Variants in SCAPER observed in about 807,000 individuals in gnomAD.
SCAPER encodes S phase cyclin A-associated protein in the endoplasmic reticulum.
A neutral mutation model predicts 182.2 loss-of-function variants in SCAPER; 98 were observed. The ratio of observed to expected loss-of-function variants is 0.54; its 90% confidence interval spans 0.46 to 0.64. The LOEUF (loss-of-function observed/expected upper bound fraction) is 0.64, where lower values mean the gene tolerates loss of function less well. Among genes scored for constraint, SCAPER ranks in the 30% least tolerant of loss-of-function variants. SCAPER has a pLI of 0.00. For synonymous variants in SCAPER, 605 were observed against 564.6 expected, an observed-to-expected ratio of 1.07 and a Z score of -1.01; for missense variants, 1,432 against 1,690.0, an observed-to-expected ratio of 0.85 and a Z score of 2.68.
chr15:76,781,447 C>T (rs1458580698), intron 8 of SCAPER, among the ~76,000 whole-genome samples: 1 of 152,126 alleles, frequency 6.6e-6, no homozygotes, highest in Non-Finnish European at 1.5e-5. Flanking sequence ...AGAATGGAAC[C>T]AAGTTGGAAA....
At chr15:76,693,788 T>C (rs899470046) in intron 20 of SCAPER, among the ~76,000 whole-genome samples, 2 of 152,082 alleles carry the variant, frequency 1.3e-5, no homozygotes, top group South Asian at 2.1e-4. Flanking sequence ...ATGGGGTTCA[T>C]AGAGACAGAA....
chr15:76,599,210 A>T lies in SCAPER; in HGVS notation c.2711+22554T>A, dbSNP rs1465420296. 2.5e-5 allele frequency among the ~76,000 whole-genome samples: 3 copies of T among 121,638 alleles called. 1 individual carries two copies. Among genetic ancestry groups the T allele is most frequent in the Admixed American group, 1.9e-4 (2 of 10,690 alleles). 79.8% of individuals were successfully genotyped at this position (121,638 alleles called of 152,430 possible). The stretch of plus-strand genomic sequence containing the variant: ...ATCATGGAAACTCTAAATAAAATTT[A>T]AAAATGCCACTACATACCCATCTGA... On this transcript the variant is annotated intron_variant, in intron 22 of 31. Coordinates refer to ENST00000563290, the MANE Select transcript of SCAPER (RefSeq NM_020843.4).
chr15:76,844,174 A>G (rs2069783252), intron 4 of SCAPER, among the ~76,000 whole-genome samples: 1 of 152,020 alleles, frequency 6.6e-6, no homozygotes, highest in Non-Finnish European at 1.5e-5. Flanking sequence ...ATAGATGACA[A>G]AACAATCTAA....
In SCAPER at chr15:76,771,746, G is replaced by A. The variant is rs2063481895; in HGVS notation, c.1244C>T (p.Ser415Leu). 2 of 1,611,820 alleles carry A rather than the reference G, an allele frequency of 1.2e-6. No homozygotes were observed. Among genetic ancestry groups the A allele is most frequent in the Non-Finnish European group, 1.7e-6 (2 of 1,178,622 alleles). The change falls in exon 10 of 32, where the codon TCA becomes TTA. Residue 415 changes from serine (S) to leucine (L), a missense_variant. Ser to Leu is a moderately radical substitution (Grantham distance 145, BLOSUM62 -2). Around this residue, in one of 5 missense-constraint regions of SCAPER, gnomAD observed 480 missense variants for 510.2 expected, o/e 0.94. Transcript: ENST00000563290. ...IENEMDPSDISNSMAEVLAKK... is the reference protein window; with the variant it reads ...IENEMDPSDILNSMAEVLAKK... ...TACCAAGTTAGCAGCACTCACATTT[G>A]AAATATCTGAAGGGTCCATTTCATT...
intron 27 of SCAPER, among the ~76,000 whole-genome samples, chr15:76,394,794 C>T (rs114386236): frequency 0.016 from 2,360 of 152,228 alleles, 62 homozygotes; most frequent in African/African-American, 0.055. Context: ...AATCACATCA[C>T]GGAAAATGGG....
intron 20 of SCAPER, among the ~76,000 whole-genome samples, chr15:76,688,696 C>T (rs1383109072): frequency 6.6e-6 from 1 of 152,078 alleles, no homozygotes; most frequent in Non-Finnish European, 1.5e-5. Context: ...GGAATCCTCT[C>T]CCCATTGCTT....
At chr15:76,400,619 G>T (rs1174833626) in intron 27 of SCAPER, among the ~76,000 whole-genome samples, 2 of 152,018 alleles carry the variant, frequency 1.3e-5, no homozygotes, top group Non-Finnish European at 2.9e-5. Flanking sequence ...AACAATAAGG[G>T]GTCATTTTTC....
chr15:76,499,375 A>T (rs2040888683), intron 24 of SCAPER, among the ~76,000 whole-genome samples: 1 of 152,196 alleles, frequency 6.6e-6, no homozygotes, highest in African/African-American at 2.4e-5. Flanking sequence ...TATACCTGAC[A>T]GCTCTACATG....
chr15:76,766,445 C>A (rs989101876), intron 11 of SCAPER, among the ~76,000 whole-genome samples: 2 of 152,140 alleles, frequency 1.3e-5, no homozygotes, highest in East Asian at 3.8e-4. Context: ...TTCATCTTCA[C>A]TTTCTATAAA....
chr15:76,513,095 G>A (rs75601736), intron 23 of SCAPER, among the ~76,000 whole-genome samples: 133 of 152,114 alleles, frequency 8.7e-4, no homozygotes, highest in African/African-American at 3.0e-3. Context: ...CACCTCTGCC[G>A]TACCTCATGG....
At chr15:76,539,281 T>C (rs1478962702) in intron 23 of SCAPER, among the ~76,000 whole-genome samples, 1 of 152,170 alleles carries the variant, frequency 6.6e-6, no homozygotes, top group Non-Finnish European at 1.5e-5. Context: ...TTGTAGACAA[T>C]GTATTATAGG....
intron 20 of SCAPER, among the ~76,000 whole-genome samples, chr15:76,695,227 A>C (rs1420014818): frequency 1.3e-5 from 2 of 152,320 alleles, no homozygotes; most frequent in Middle Eastern, 3.4e-3. Flanking sequence ...GTTAAGAGTC[A>C]ACTTAATTCT....
At chr15:76,856,402 G>A (rs1174005866) in intron 4 of SCAPER, among the ~76,000 whole-genome samples, 3 of 151,642 alleles carry the variant, frequency 2.0e-5, no homozygotes, top group African/African-American at 4.8e-5. Flanking sequence ...ATGTACCCCT[G>A]AACCTAAAAT....
rs568331447 is a variant in SCAPER, at chr15:76,364,119, C to T, written c.3856-9979G>A. 6.6e-5 allele frequency among the ~76,000 whole-genome samples: 10 copies of T among 152,344 alleles called. No individual in the cohort carries two copies. In the South Asian group the frequency reaches 1.0e-3, roughly 16 times the overall value. ...AAAGTTTAAAGAGTCTATGCATATA[C>T]ATGATCAAGTCAAAATCAGTGCAGA... is the stretch of plus-strand genomic sequence containing the variant. On this transcript the variant is annotated intron_variant, in intron 29 of 31. Transcript: ENST00000563290.
chr15:76,862,247 G>A (rs1257200602), intron 3 of SCAPER, among the ~76,000 whole-genome samples, 169 bp downstream of exon 3: 1 of 124,174 alleles, frequency 8.1e-6, no homozygotes, highest in African/African-American at 2.5e-5. Context: ...CTAACAATAA[G>A]GCTTTTATAA....
intron 22 of SCAPER, among the ~76,000 whole-genome samples, chr15:76,618,091 C>A (rs933131029): frequency 2.0e-5 from 3 of 152,160 alleles, no homozygotes; most frequent in African/African-American, 7.2e-5. Flanking sequence ...GAAACCCCGT[C>A]TCTACTAAAA....
intron 25 of SCAPER, among the ~76,000 whole-genome samples, chr15:76,438,314 T>A (rs1270673069): frequency 6.6e-6 from 1 of 151,634 alleles, no homozygotes; most frequent in Non-Finnish European, 1.5e-5. Context: ...AGAATATATT[T>A]ATGGGCTGTT....
chr15:76,788,222 G>A (rs1360140153), intron 8 of SCAPER, among the ~76,000 whole-genome samples: 3 of 152,144 alleles, frequency 2.0e-5, no homozygotes, highest in Admixed American at 1.3e-4. Context: ...AAAAGTGTAT[G>A]GAATTTCTTT....
intron 23 of SCAPER, among the ~76,000 whole-genome samples, chr15:76,550,445 T>C (rs1160780372): frequency 6.6e-6 from 1 of 152,156 alleles, no homozygotes; most frequent in African/African-American, 2.4e-5. Context: ...ACATGCGGTG[T>C]TTGGTTTTCT....
Sources: gnomAD v4.1 joint callset for allele counts (sites outside exome capture counted in the v4.1 genomes callset) on GRCh38, gnomAD v4.1.1 for gene constraint, gnomAD v4.1.1 regional missense constraint, MANE v1.5 for transcripts, NCBI Gene and HGNC (gene_info 2026-07-23, HGNC 2026-07-21) for gene names.